Variants in GVQW3 observed in about 807,000 individuals in gnomAD.
The protein encoded by GVQW3 is protein GVQW3.
GVQW3 carries 7 observed loss-of-function variants against 12.5 expected under a neutral mutation model. The ratio of observed to expected loss-of-function variants is 0.56; its 90% confidence interval spans 0.32 to 1.05. The LOEUF (loss-of-function observed/expected upper bound fraction) is 1.05, where lower values mean the gene tolerates loss of function less well. Ranked by LOEUF, GVQW3 falls within the 50% of genes least tolerant of loss-of-function variation. The pLI is 0.04. For missense variants in GVQW3, 188 were observed against 190.8 expected (o/e 0.99, Z 0.09); for synonymous variants, 71 against 67.2 (o/e 1.06, Z -0.28).
chr11:76,401,046 T>C (rs1056037930), intron 1 of GVQW3, among the ~76,000 whole-genome samples: 4 of 151,128 alleles, frequency 2.6e-5, no homozygotes, highest in African/African-American at 7.3e-5. Context: ...TATATATTTT[T>C]TCTCTTTTTT....
chr11:76,391,965 CAAAA>C (rs928557431), intron 1 of GVQW3, among the ~76,000 whole-genome samples: 1 of 151,576 alleles, frequency 6.6e-6, no homozygotes, highest in Non-Finnish European at 1.5e-5. Flanking sequence ...AAAAAACAAA[CAAAA>C]AAAAATCAGT....
At chr11:76,395,255 C>T (rs1946929250) in intron 1 of GVQW3, among the ~76,000 whole-genome samples, 1 of 152,198 alleles carries the variant, frequency 6.6e-6, no homozygotes, top group African/African-American at 2.4e-5. Context: ...ATCTTCATCA[C>T]ACTAAAAGGA....
At chr11:76,391,587 CA>C in intron 1 of GVQW3, among the ~76,000 whole-genome samples, 1 of 152,208 alleles carries the variant, frequency 6.6e-6, no homozygotes, top group Non-Finnish European at 1.5e-5. Flanking sequence ...TTTAAAGAAG[CA>C]GCCAGAAGTC....
intron 1 of GVQW3, among the ~76,000 whole-genome samples, chr11:76,387,353 TTGAACCCTGGAGGCTGC>T (rs1295978585): frequency 7.9e-5 from 12 of 152,056 alleles, no homozygotes; most frequent in Non-Finnish European, 1.5e-4. Flanking sequence ...GGAGAATTGC[TTGAACCCTGGAGGCTGC>T]AGTGATCCAA....
In GVQW3 at chr11:76,382,112, A is replaced by G. The variant is rs1283861391; in HGVS notation, c.284A>G (p.Glu95Gly). The G allele has an allele frequency of 6.5e-7, 1 of 1,536,430 alleles. No homozygotes were observed. Among genetic ancestry groups the G allele is most frequent in the Non-Finnish European group, 8.7e-7 (1 of 1,147,002 alleles). The part of the protein sequence containing the change: ...NRQLTVRMMA[E>G]ELNLDKETVR... ...CAGTTAACCGTGAGGATGATGGCTG[A>G]AGAGTTAAATTTAGACAAAGAAACT... Residue 95 changes from glutamate to glycine, a missense_variant, in exon 1 of 2, where the codon GAA becomes GGA. Physicochemically the swap from Glu to Gly is moderately conservative, Grantham distance 98 (BLOSUM62 -2). Coordinates refer to ENST00000529331, the MANE Select transcript of GVQW3 (RefSeq NM_001347885.2).
At position 76,407,942 on chromosome 11, in the gene GVQW3, T is replaced by TG. The variant is rs1555030958; in HGVS notation, c.*4184_*4185insG. 6.6e-6 allele frequency: 1 copy of TG among 151,332 alleles called. No individual in the cohort carries two copies. The allele number at this position is 151,332 out of a possible 1,614,324, so 9.4% of individuals were successfully genotyped here. A position where few individuals can be genotyped will look rare whatever the true frequency, so the allele number is the denominator to read the frequency against. On this transcript the variant is annotated 3_prime_UTR_variant, in exon 2 of 2. Coordinates refer to ENST00000529331, the MANE Select transcript of GVQW3 (RefSeq NM_001347885.2). Reference sequence around the variant, plus strand: ...AGTCCCATTTTTACTTTCTGTATGCTAAAACAAACCCCTCAAGATAGATCC... The same window carrying TG: ...AGTCCCATTTTTACTTTCTGTATGCTGAAAACAAACCCCTCAAGATAGATCC...
At chr11:76,392,209 G>A (rs1946899258) in intron 1 of GVQW3, 1 of 152,238 alleles carries the variant, frequency 6.6e-6, no homozygotes, top group Admixed American at 6.5e-5. Flanking sequence ...CATCAACTAA[G>A]GGTGATTGTG....
At position 76,404,112 on chromosome 11, in the gene GVQW3, C is replaced by T; in HGVS notation, c.*354C>T. 4.3e-6 allele frequency: 2 copies of T among 466,958 alleles called. No homozygotes were observed. Among genetic ancestry groups the T allele is most frequent in the Non-Finnish European group, 7.7e-6 (2 of 261,118 alleles). The allele number at this position is 466,958 out of a possible 1,614,324, so 28.9% of individuals were successfully genotyped here. On this transcript the variant is annotated 3_prime_UTR_variant, in exon 2 of 2. Transcript: ENST00000529331. ...CATATAAAATTGGCTGTCACATCTC[C>T]ATTTTGTTTATTTATTTACTTATTT...
At chr11:76,390,191 T>C (rs1946878118) in intron 1 of GVQW3, 1 of 152,210 alleles carries the variant, frequency 6.6e-6, no homozygotes, top group Non-Finnish European at 1.5e-5. Context: ...ATACATATTT[T>C]ATAGGCCTAT....
downstream of GVQW3, chr11:76,411,351 G>T: frequency 6.6e-6 from 1 of 152,538 alleles, no homozygotes; most frequent in Non-Finnish European, 1.5e-5. Flanking sequence ...CCATGGAGAG[G>T]GTGATGGAAA....
chr11:76,413,437 C>G lies in GVQW3; in HGVS notation c.*2336C>G, dbSNP rs554093032. 1.1e-3 allele frequency: 170 copies of G among 152,340 alleles called. 1 individual carries two copies. The highest frequency in any genetic ancestry group is 3.7e-3 in the African/African-American group (153 of 41,568). 9.4% of individuals were successfully genotyped at this position (152,340 alleles called of 1,614,324 possible). On this transcript the variant is annotated 3_prime_UTR_variant, in exon 2 of 2. Transcript: ENST00000662483. ...GACTTGGGTTGGAATCTCAGCTCCT[C>G]TACTTCGAAGCTAGATGGCCCTGGG...
chr11:76,384,723 C>A (rs903247708), intron 1 of GVQW3, among the ~76,000 whole-genome samples: 1 of 152,198 alleles, frequency 6.6e-6, no homozygotes, highest in South Asian at 2.1e-4. Flanking sequence ...GCTTATAGAC[C>A]TCCAGCTCCT....
chr11:76,395,233 C>T (rs1026614914), intron 1 of GVQW3: 1 of 152,216 alleles, frequency 6.6e-6, no homozygotes, highest in Non-Finnish European at 1.5e-5. Context: ...TCACCACTAT[C>T]TAGTTCAGAA....
At chr11:76,389,220 T>C (rs1273150917) in intron 1 of GVQW3, among the ~76,000 whole-genome samples, 10 of 152,246 alleles carry the variant, frequency 6.6e-5, no homozygotes, top group African/African-American at 2.2e-4. Flanking sequence ...ATTGTATGTA[T>C]AAATCCAAAA....
intron 1 of GVQW3, among the ~76,000 whole-genome samples, chr11:76,397,219 G>T (rs532322182): frequency 6.6e-6 from 1 of 151,880 alleles, no homozygotes; most frequent in Non-Finnish European, 1.5e-5. Flanking sequence ...GGCCAGGATG[G>T]TCTCAATCTC....
intron 1 of GVQW3, among the ~76,000 whole-genome samples, chr11:76,402,011 A>T (rs555400939): frequency 9.9e-5 from 15 of 152,230 alleles, no homozygotes; most frequent in African/African-American, 3.6e-4. Context: ...TCATGGAAGA[A>T]GCCCAGCTTC....
At chr11:76,394,595 C>T (rs1190797124) in intron 1 of GVQW3, among the ~76,000 whole-genome samples, 2 of 152,176 alleles carry the variant, frequency 1.3e-5, no homozygotes, top group Admixed American at 1.3e-4. Context: ...CATCTGTTGA[C>T]AGACACTTGG....
At chr11:76,410,825 T>C (rs1947074570), downstream of GVQW3, 1 of 152,072 alleles carries the variant, frequency 6.6e-6, no homozygotes. Flanking sequence ...GAAAATGAGG[T>C]TAGGTTTCAA....
chr11:76,382,497 C>T, intron 1 of GVQW3: 1 of 620,104 alleles, frequency 1.6e-6, no homozygotes, highest in South Asian at 1.9e-5. Context: ...AACTAGGATG[C>T]TGCCTCACTG....
Sources: allele counts gnomAD v4.1 joint callset (sites outside exome capture counted in the v4.1 genomes callset), GRCh38; gene constraint gnomAD v4.1.1; transcripts MANE v1.5; gene names NCBI Gene and HGNC (gene_info 2026-07-23, HGNC 2026-07-21).